NEK1: variants seen among roughly 807,000 people sequenced by gnomAD.
The protein encoded by NEK1 is serine/threonine-protein kinase Nek1.
Under a neutral mutation model 182.1 loss-of-function variants are expected in NEK1, and 137 were observed. That is an observed-to-expected ratio of 0.75 (90% CI 0.65 to 0.87). The LOEUF is 0.87. Among genes scored for constraint, NEK1 ranks in the 40% least tolerant of loss-of-function variants. The pLI, the probability that NEK1 is intolerant of heterozygous loss-of-function variation, is 0.00. For missense variants in NEK1, 1,391 were observed against 1,494.4 expected, an observed-to-expected ratio of 0.93 and a Z score of 1.14; for synonymous variants, 513 against 492.2, an observed-to-expected ratio of 1.04 and a Z score of -0.56.
At chr4:169,582,751 A>G (rs749484763) in intron 10 of NEK1, among the ~76,000 whole-genome samples, 10 of 152,192 alleles carry the variant, frequency 6.6e-5, no homozygotes, top group Non-Finnish European at 1.3e-4. Context: ...CACTAGCCAC[A>G]TGCGCCTATT....
chr4:169,567,517 C>T (rs180964040), intron 12 of NEK1, among the ~76,000 whole-genome samples: 1 of 152,226 alleles, frequency 6.6e-6, no homozygotes, highest in East Asian at 1.9e-4. Flanking sequence ...TCTTCTGCCT[C>T]AGTCTCAAAA....
At position 169,539,236 on chromosome 4, in the gene NEK1, G is replaced by A. The variant is rs1427187086; in HGVS notation, c.1563-1325C>T. ...CACAATGCCTCTGTAGTGTACCTGTGCCATCCCCTAACAGTCCCATTAGCC... is the reference window on the plus strand; with the variant it reads ...CACAATGCCTCTGTAGTGTACCTGTACCATCCCCTAACAGTCCCATTAGCC... On this transcript the variant is annotated intron_variant, in intron 18 of 35. Coordinates refer to ENST00000507142, the MANE Select transcript of NEK1 (RefSeq NM_001199397.3). 2.6e-5 allele frequency among the ~76,000 whole-genome samples: 4 copies of A among 152,180 alleles called. No homozygotes were observed. The East Asian group carries it at 5.8e-4, about 22-fold the overall frequency.
intron 27 of NEK1, among the ~76,000 whole-genome samples, chr4:169,439,969 C>T (rs754336603): frequency 6.6e-6 from 1 of 151,012 alleles, no homozygotes; most frequent in African/African-American, 2.4e-5. Flanking sequence ...GCCTCAGCCT[C>T]CCTAGTAGCT....
chr4:169,602,925 T>A (rs567994395), intron 2 of NEK1, among the ~76,000 whole-genome samples: 1 of 152,302 alleles, frequency 6.6e-6, no homozygotes, highest in Admixed American at 6.5e-5. Context: ...ATACTGCATA[T>A]ACTTAATGTA....
At chr4:169,420,866 G>T (rs1208690333) in intron 31 of NEK1, among the ~76,000 whole-genome samples, 2 of 152,112 alleles carry the variant, frequency 1.3e-5, no homozygotes, top group Non-Finnish European at 2.9e-5. Flanking sequence ...CAATCATATG[G>T]TTGTGATATT....
At chr4:169,460,103 G>C (rs903356152) in intron 27 of NEK1, among the ~76,000 whole-genome samples, 1 of 152,040 alleles carries the variant, frequency 6.6e-6, no homozygotes, top group Non-Finnish European at 1.5e-5. Context: ...TGATGGTGGG[G>C]GAGGCTGTGT....
intron 16 of NEK1, among the ~76,000 whole-genome samples, chr4:169,558,900 G>A (rs1044946058): frequency 4.0e-5 from 6 of 151,814 alleles, no homozygotes; most frequent in South Asian, 2.1e-4. Flanking sequence ...CTTTCTTTTG[G>A]GGAATCTCCT....
chr4:169,577,405 A>G (rs1765868633), intron 11 of NEK1, among the ~76,000 whole-genome samples: 1 of 152,080 alleles, frequency 6.6e-6, no homozygotes, highest in Admixed American at 6.6e-5. Context: ...TGAATATACT[A>G]AAAAAAATTT....
intron 10 of NEK1, among the ~76,000 whole-genome samples, chr4:169,581,127 G>A (rs986337536): frequency 3.3e-5 from 5 of 150,376 alleles, no homozygotes; most frequent in African/African-American, 1.2e-4. Context: ...GGGGAAGATC[G>A]CTTGAGCAAG....
intron 27 of NEK1, among the ~76,000 whole-genome samples, chr4:169,446,239 A>G (rs1437530728): frequency 6.6e-6 from 1 of 152,120 alleles, no homozygotes. Context: ...AAAATCAACA[A>G]AAGTTGGCGT....
At chr4:169,406,879 T>C in intron 31 of NEK1, 132 bp from the exon 32 acceptor site, 1 of 470,230 alleles carries the variant, frequency 2.1e-6, no homozygotes, top group South Asian at 3.3e-5. Context: ...TTTTTATATA[T>C]GTAACATATA....
At chr4:169,525,129 T>A (rs185860004) in intron 19 of NEK1, among the ~76,000 whole-genome samples, 213 of 152,104 alleles carry the variant, frequency 1.4e-3, no homozygotes, top group Non-Finnish European at 2.4e-3. Context: ...TTTTATTTTA[T>A]TTTTATTTTA....
chr4:169,589,562 C>A, intron 6 of NEK1, 48 bp from the exon 7 acceptor site: 1 of 1,131,004 alleles, frequency 8.8e-7, no homozygotes, highest in Non-Finnish European at 1.3e-6. Context: ...TGTTACAGTC[C>A]AGTTCTAAGT....
intron 32 of NEK1, among the ~76,000 whole-genome samples, chr4:169,404,022 T>C (rs1053664708): frequency 1.3e-5 from 2 of 152,130 alleles, no homozygotes; most frequent in African/African-American, 4.8e-5. Flanking sequence ...TAAAATTCTG[T>C]CATCAATTGT....
chr4:169,525,283 C>CAT (rs1756722004), intron 19 of NEK1, among the ~76,000 whole-genome samples: 1 of 152,038 alleles, frequency 6.6e-6, no homozygotes, highest in Non-Finnish European at 1.5e-5. Context: ...CACGCACCAC[C>CAT]ATGCCCAGCT....
At chr4:169,555,692 A>G in intron 18 of NEK1, 28 bp downstream of exon 18, 1 of 1,613,458 alleles carries the variant, frequency 6.2e-7, no homozygotes, top group Non-Finnish European at 8.5e-7. Context: ...ACACACATGG[A>G]TGAATTCATG....
intron 27 of NEK1, among the ~76,000 whole-genome samples, chr4:169,458,164 C>A (rs1038333177): frequency 7.2e-5 from 11 of 152,020 alleles, no homozygotes; most frequent in African/African-American, 2.7e-4. Context: ...TACTATAAAG[C>A]TACAGTAATC....
intron 5 of NEK1, among the ~76,000 whole-genome samples, chr4:169,591,097 CA>C (rs1768407681): frequency 6.6e-6 from 1 of 151,548 alleles, no homozygotes; most frequent in Admixed American, 6.6e-5. Context: ...AATATTAAGA[CA>C]AACAGGTGAT....
intron 17 of NEK1, 27 bp from the exon 18 acceptor site, chr4:169,555,878 T>A: frequency 6.2e-7 from 1 of 1,613,662 alleles, no homozygotes; most frequent in African/African-American, 1.3e-5. Flanking sequence ...ACAGTGACTT[T>A]CATTACTATC....
Sources: gnomAD v4.1 joint callset for allele counts (sites outside exome capture counted in the v4.1 genomes callset) on GRCh38, gnomAD v4.1.1 for gene constraint, MANE v1.5 for transcripts, NCBI Gene and HGNC (gene_info 2026-07-23, HGNC 2026-07-21) for gene names.